Variants in TRDMT1 observed in about 807,000 individuals in gnomAD.
TRDMT1 encodes the protein tRNA aspartic acid methyltransferase 1.
Under a neutral mutation model 51.2 loss-of-function variants are expected in TRDMT1, and 49 were observed. That is an observed-to-expected ratio of 0.96 (90% confidence interval 0.76 to 1.21). The LOEUF (loss-of-function observed/expected upper bound fraction) is 1.21, where lower values mean the gene tolerates loss of function less well. Among genes scored for constraint, TRDMT1 ranks in the 50% most tolerant of loss-of-function variants. The pLI is 0.00. For missense variants in TRDMT1, 534 were observed against 462.3 expected (o/e 1.16, Z -1.42); for synonymous variants, 187 against 164.6 (o/e 1.14, Z -1.04).
At chr10:17,160,559 C>T (rs531238416) in intron 5 of TRDMT1, among the ~76,000 whole-genome samples, 185 bp from the exon 6 acceptor site, 1 of 152,156 alleles carries the variant, frequency 6.6e-6, no homozygotes, top group Non-Finnish European at 1.5e-5. Context: ...GCATCCTCCG[C>T]CTCCCAGGTT....
intron 1 of TRDMT1, among the ~76,000 whole-genome samples, chr10:17,175,841 A>G (rs1842559245): frequency 6.6e-6 from 1 of 152,114 alleles, no homozygotes; most frequent in Non-Finnish European, 1.5e-5. Context: ...GAAGAAAAGA[A>G]AGGCACAAAT....
rs372563573 is a variant in TRDMT1 at position 17,139,809 on chromosome 10, G to A, written c.*9231C>T. Reference sequence around the variant, plus strand: ...TGTTGTCATCAATGGCAGAAAGGATGAGATGACCTCACTTCTGTCTTTTTC... The same window carrying A: ...TGTTGTCATCAATGGCAGAAAGGATAAGATGACCTCACTTCTGTCTTTTTC... On this transcript the variant is annotated 3_prime_UTR_variant, in exon 11 of 11. Coordinates refer to ENST00000377799, the MANE Select transcript of TRDMT1 (RefSeq NM_004412.7). Among the ~76,000 whole-genome samples, 1 of 152,078 alleles carries A rather than the reference G, an allele frequency of 6.6e-6. No homozygotes were observed. The highest frequency in any genetic ancestry group is 6.6e-5 in the Admixed American group (1 of 15,256).
At position 17,141,224 on chromosome 10, in the gene TRDMT1, A is replaced by C. The variant is rs947874337; in HGVS notation, c.*7816T>G. 1.3e-5 allele frequency among the ~76,000 whole-genome samples: 2 copies of C among 152,082 alleles called. No individual in the cohort carries two copies. The highest frequency in any genetic ancestry group is 2.9e-5 in the Non-Finnish European group (2 of 67,998). On this transcript the variant is annotated 3_prime_UTR_variant, in exon 11 of 11. Coordinates refer to ENST00000377799, the MANE Select transcript of TRDMT1 (RefSeq NM_004412.7). ...TGTCACCAGGCTGGAGTGCAGTGGC[A>C]CGATCTCAGCTCACTGCAGTCTCCG...
intron 7 of TRDMT1, 144 bp from the exon 8 acceptor site, chr10:17,157,928 ATTTG>A: frequency 4.6e-6 from 3 of 645,674 alleles, no homozygotes; most frequent in Non-Finnish European, 7.8e-6. Context: ...GTTTACTTGT[ATTTG>A]TACAAGTTAT....
chr10:17,197,309 T>C (rs1845584080), intron 1 of TRDMT1, among the ~76,000 whole-genome samples: 1 of 152,094 alleles, frequency 6.6e-6, no homozygotes, highest in Non-Finnish European at 1.5e-5. Flanking sequence ...TGCTAGAGGC[T>C]GTACAGGAAC....
chr10:17,153,725 A>G, intron 9 of TRDMT1, 89 bp from the exon 10 acceptor site: 2 of 1,366,678 alleles, frequency 1.5e-6, no homozygotes, highest in Non-Finnish European at 2.0e-6. Context: ...CTCGATGGAC[A>G]TACAGTCTGC....
chr10:17,166,375 T>C (rs1207196113), intron 3 of TRDMT1, among the ~76,000 whole-genome samples: 4 of 45,052 alleles, frequency 8.9e-5, no homozygotes, highest in Non-Finnish European at 1.7e-4. Flanking sequence ...TGTTGTGGGG[T>C]GGGGGGAGGG....
chr10:17,154,547 A>T lies in TRDMT1; in HGVS notation c.945+130T>A, dbSNP rs1839233542. On this transcript the variant is annotated intron_variant, in intron 9 of 10. Transcript: ENST00000377799. ...GTAATAAAATATTATATATATGAAT[A>T]TACATATGAATGAATAAAATATATA... is the stretch of plus-strand genomic sequence containing the variant. The T allele has an allele frequency of 1.7e-5, 8 of 462,570 alleles. No individual in the cohort carries two copies. In the East Asian group the frequency reaches 2.5e-4, roughly 15 times the overall value. The allele number at this position is 462,570 out of a possible 1,614,324, so 28.7% of individuals were successfully genotyped here.
intron 1 of TRDMT1, among the ~76,000 whole-genome samples, chr10:17,196,530 T>C (rs760306190): frequency 6.6e-6 from 1 of 152,272 alleles, no homozygotes; most frequent in Non-Finnish European, 1.5e-5. Context: ...TGAAAGAAGA[T>C]ATTTTCACTT....
chr10:17,188,767 C>T (rs909240963), intron 1 of TRDMT1, among the ~76,000 whole-genome samples: 1 of 152,070 alleles, frequency 6.6e-6, no homozygotes, highest in Non-Finnish European at 1.5e-5. Context: ...TTTTTGAGTT[C>T]GTGTATAATG....
rs933417121 is a variant in TRDMT1, at chr10:17,138,020, T to C, written c.*11020A>G. ...AATAATCCTTATGTGATATTTCTGC[T>C]AGGCCAGCTGAATTTATCTGGAGGA... On this transcript the variant is annotated 3_prime_UTR_variant, in exon 11 of 11. Transcript: ENST00000377799. 2.6e-5 allele frequency among the ~76,000 whole-genome samples: 4 copies of C among 152,136 alleles called. No homozygotes were observed. Among genetic ancestry groups the C allele is most frequent in the Admixed American group, 6.5e-5 (1 of 15,282 alleles).
chr10:17,154,759 G>A (rs1417376118), intron 8 of TRDMT1, 25 bp from the exon 9 acceptor site: 1 of 1,588,638 alleles, frequency 6.3e-7, no homozygotes, highest in South Asian at 1.2e-5. Flanking sequence ...CAACAATTAT[G>A]CAGCACCTGA....
chr10:17,187,211 G>A (rs1010078917), intron 1 of TRDMT1, among the ~76,000 whole-genome samples: 1 of 152,100 alleles, frequency 6.6e-6, no homozygotes, highest in Non-Finnish European at 1.5e-5. Flanking sequence ...AATATTTTCA[G>A]TGTGTCCCAA....
At chr10:17,194,999 C>T (rs949469684) in intron 1 of TRDMT1, among the ~76,000 whole-genome samples, 1 of 145,744 alleles carries the variant, frequency 6.9e-6, no homozygotes, top group East Asian at 2.0e-4. Context: ...GAAAAGGGAA[C>T]CCTTATGCAC....
intron 3 of TRDMT1, among the ~76,000 whole-genome samples, chr10:17,162,845 T>C (rs542315619): frequency 3.9e-5 from 6 of 152,288 alleles, no homozygotes; most frequent in Admixed American, 1.3e-4. Context: ...TAAAACAATA[T>C]GACAAATGAC....
chr10:17,169,242 T>G, intron 2 of TRDMT1: 1 of 871,998 alleles, frequency 1.1e-6, no homozygotes, highest in Non-Finnish European at 1.5e-6. Context: ...GAGTAAAACG[T>G]GGAGAACCTT....
rs1032412404 is a variant in TRDMT1, at chr10:17,145,981, C to G, written c.*3059G>C. 6 of 985,380 alleles carry G rather than the reference C, an allele frequency of 6.1e-6. No individual in the cohort carries two copies. The highest frequency in any genetic ancestry group is 7.2e-6 in the Non-Finnish European group (6 of 829,948). 61.0% of individuals were successfully genotyped at this position (985,380 alleles called of 1,614,324 possible). A position where few individuals can be genotyped will look rare whatever the true frequency, so the allele number is the denominator to read the frequency against. Reference sequence around the variant, plus strand: ...ACTAGGTTGAGATGGGAGCAAAAACCCAGATGGTGATTTCTGCTGAGAACT... The same window carrying G: ...ACTAGGTTGAGATGGGAGCAAAAACGCAGATGGTGATTTCTGCTGAGAACT... On this transcript the variant is annotated 3_prime_UTR_variant, in exon 11 of 11. Coordinates refer to ENST00000377799, the MANE Select transcript of TRDMT1 (RefSeq NM_004412.7).
Position 17,140,177 on chromosome 10 carries a change from T to G in TRDMT1, c.*8863A>C, listed in dbSNP as rs1837562423. On this transcript the variant is annotated 3_prime_UTR_variant, in exon 11 of 11. Coordinates refer to ENST00000377799, the MANE Select transcript of TRDMT1 (RefSeq NM_004412.7). Reference sequence around the variant, plus strand: ...GAGTCTCCTGCCTCAGCCTCCTGAATAGCTGAGATTACAGGCACATGCCAC... The same window carrying G: ...GAGTCTCCTGCCTCAGCCTCCTGAAGAGCTGAGATTACAGGCACATGCCAC... Among the ~76,000 whole-genome samples the G allele has an allele frequency of 2.0e-5, 3 of 150,010 alleles. No individual in the cohort carries two copies. In the Admixed American group the frequency reaches 2.0e-4, roughly 10 times the overall value.
At chr10:17,197,225 T>C (rs748646978) in intron 1 of TRDMT1, among the ~76,000 whole-genome samples, 12 of 152,180 alleles carry the variant, frequency 7.9e-5, no homozygotes, top group Non-Finnish European at 1.5e-4. Flanking sequence ...CCTTCATCAT[T>C]TGATAAAACG....
Sources: gnomAD v4.1 joint callset for allele counts (sites outside exome capture counted in the v4.1 genomes callset) on GRCh38, gnomAD v4.1.1 for gene constraint, MANE v1.5 for transcripts, NCBI Gene and HGNC (gene_info 2026-07-23, HGNC 2026-07-21) for gene names.